RBPJ: variants seen among roughly 807,000 people sequenced by gnomAD.
RBPJ encodes recombining binding protein suppressor of hairless.
RBPJ carries 9 observed loss-of-function variants against 67.8 expected under a neutral mutation model. That is an observed-to-expected ratio of 0.13 (90% CI 0.08 to 0.23). The LOEUF (loss-of-function observed/expected upper bound fraction) is 0.23, where lower values mean the gene tolerates loss of function less well. Ranked by LOEUF, RBPJ falls within the 10% of genes least tolerant of loss-of-function variation. The pLI, the probability that RBPJ is intolerant of heterozygous loss-of-function variation, is 1.00. For synonymous variants in RBPJ, 198 were observed against 203.3 expected, an observed-to-expected ratio of 0.97 and a Z score of 0.22; for missense variants, 305 against 595.6, an observed-to-expected ratio of 0.51 and a Z score of 5.08.
intron 1 of RBPJ, among the ~76,000 whole-genome samples, chr4:26,185,013 G>A (rs1577447585): frequency 6.6e-6 from 1 of 151,924 alleles, no homozygotes; most frequent in Non-Finnish European, 1.5e-5. Context: ...GTGGCATCAG[G>A]CACCTGTAAT....
chr4:26,350,435 C>T (rs1167627389), intron 1 of RBPJ, among the ~76,000 whole-genome samples: 1 of 152,192 alleles, frequency 6.6e-6, no homozygotes, highest in African/African-American at 2.4e-5. Context: ...AGTCTTTCCT[C>T]ATGGTATTTG....
At chr4:26,379,005 G>A (rs936984968) in intron 1 of RBPJ, among the ~76,000 whole-genome samples, 1 of 152,078 alleles carries the variant, frequency 6.6e-6, no homozygotes, top group Non-Finnish European at 1.5e-5. Flanking sequence ...TAGCATGGGC[G>A]ACGGAGTGAG....
intron 1 of RBPJ, among the ~76,000 whole-genome samples, chr4:26,335,919 G>A (rs180749848): frequency 6.6e-6 from 1 of 152,168 alleles, no homozygotes; most frequent in East Asian, 1.9e-4. Flanking sequence ...CACCACGCCC[G>A]GCAATGCTTA....
intron 1 of RBPJ, among the ~76,000 whole-genome samples, chr4:26,207,392 G>A (rs116044102): frequency 2.6e-5 from 4 of 152,204 alleles, no homozygotes; most frequent in African/African-American, 7.2e-5. Context: ...TCTTCTCCAC[G>A]TCAGTCTTCC....
chr4:26,414,318 T>C (rs922985179), intron 3 of RBPJ, among the ~76,000 whole-genome samples: 3 of 152,082 alleles, frequency 2.0e-5, no homozygotes, highest in African/African-American at 7.2e-5. Context: ...TATAGGCGCC[T>C]GCCACCACGC....
At chr4:26,250,075 C>G (rs1242580253) in intron 1 of RBPJ, among the ~76,000 whole-genome samples, 1 of 151,946 alleles carries the variant, frequency 6.6e-6, no homozygotes, top group Non-Finnish European at 1.5e-5. Flanking sequence ...TGTGAGCCAC[C>G]GCGCCTGGCC....
intron 1 of RBPJ, among the ~76,000 whole-genome samples, chr4:26,257,414 G>A (rs753789417): frequency 1.3e-5 from 2 of 152,248 alleles, no homozygotes; most frequent in Non-Finnish European, 2.9e-5. Context: ...TGGATCACCG[G>A]AAGTTGGAAG....
At chr4:26,245,714 C>T (rs73114512) in intron 1 of RBPJ, among the ~76,000 whole-genome samples, 25,889 of 152,122 alleles carry the variant, frequency 0.17, 2,531 homozygotes, top group Non-Finnish European at 0.22. Context: ...TTAGCTCTTG[C>T]AGTTAGCCCT....
chr4:26,389,358 G>A (rs1490181927), intron 2 of RBPJ, among the ~76,000 whole-genome samples: 1 of 151,400 alleles, frequency 6.6e-6, no homozygotes, highest in Non-Finnish European at 1.5e-5. Flanking sequence ...GGAACAAAGA[G>A]AGGATGACAG....
At chr4:26,236,751 C>T (rs1450995836) in intron 1 of RBPJ, among the ~76,000 whole-genome samples, 1 of 152,082 alleles carries the variant, frequency 6.6e-6, no homozygotes, top group Non-Finnish European at 1.5e-5. Flanking sequence ...ACACAAGGGC[C>T]CTTTTGGAGA....
intron 1 of RBPJ, among the ~76,000 whole-genome samples, chr4:26,324,832 A>G (rs1345627380): frequency 1.3e-5 from 2 of 152,204 alleles, no homozygotes; most frequent in Non-Finnish European, 2.9e-5. Context: ...CCTGGCCTGC[A>G]TGTAGTAATA....
intron 1 of RBPJ, among the ~76,000 whole-genome samples, chr4:26,279,290 CT>C (rs113848627): frequency 0.064 from 9,784 of 151,872 alleles, 818 homozygotes; most frequent in African/African-American, 0.19. Context: ...TTGATATTTT[CT>C]TTTTTTTGGA....
intron 1 of RBPJ, among the ~76,000 whole-genome samples, chr4:26,382,329 T>C (rs2109608869): frequency 6.6e-6 from 1 of 152,348 alleles, no homozygotes; most frequent in East Asian, 1.9e-4. Flanking sequence ...GTCATTCTGC[T>C]GAGAAATGAT....
chr4:26,272,584 TAAAATAAATAA>T (rs766443094), intron 1 of RBPJ: 45 of 411,696 alleles, frequency 1.1e-4, no homozygotes, highest in Admixed American at 4.7e-4. Context: ...CTACAATAAA[TAAAATAAATAA>T]AAAATAAATA....
At chr4:26,272,518 CTG>C (rs1329972040) in intron 1 of RBPJ, 10 of 345,016 alleles carry the variant, frequency 2.9e-5, no homozygotes, top group South Asian at 2.0e-4. Flanking sequence ...CTGCAATGAG[CTG>C]TGATCATGCC....
At chr4:26,109,974 T>G in the RBPJ span, among the ~76,000 whole-genome samples, 2 of 151,972 alleles carry the variant, frequency 1.3e-5, no homozygotes, top group Non-Finnish European at 2.9e-5. Context: ...TCCCATAGCT[T>G]TCTCCGTCAT....
intron 1 of RBPJ, among the ~76,000 whole-genome samples, chr4:26,200,432 C>G (rs1717942356): frequency 6.6e-6 from 1 of 151,968 alleles, no homozygotes; most frequent in African/African-American, 2.4e-5. Flanking sequence ...ACTTTGGGAG[C>G]CTGAAGTGGA....
chr4:26,282,189 A>T (rs1159289307), intron 1 of RBPJ, among the ~76,000 whole-genome samples: 2 of 150,612 alleles, frequency 1.3e-5, no homozygotes, highest in African/African-American at 4.9e-5. Context: ...AATCATCTAA[A>T]AAGGAATTTT....
intron 4 of RBPJ, among the ~76,000 whole-genome samples, chr4:26,417,906 C>T (rs1183247728): frequency 6.6e-6 from 1 of 152,098 alleles, no homozygotes; most frequent in African/African-American, 2.4e-5. Context: ...GTATATCTAG[C>T]CCTTTAAATT....
Sources: gnomAD v4.1 joint callset for allele counts (sites outside exome capture counted in the v4.1 genomes callset) on GRCh38, gnomAD v4.1.1 for gene constraint, MANE v1.5 for transcripts, NCBI Gene and HGNC (gene_info 2026-07-23, HGNC 2026-07-21) for gene names.